Variants in ADGRB3 observed in about 807,000 individuals in gnomAD.
ADGRB3 encodes brain-specific angiogenesis inhibitor 3.
ADGRB3 carries 37 observed loss-of-function variants against 193.4 expected under a neutral mutation model. The observed-to-expected ratio is 0.19, with a 90% CI of 0.15 to 0.25. The LOEUF is 0.25. Ranked by LOEUF, ADGRB3 falls within the 10% of genes least tolerant of loss-of-function variation. The pLI, the probability that ADGRB3 is intolerant of heterozygous loss-of-function variation, is 1.00. For synonymous variants in ADGRB3, 690 were observed against 644.2 expected (o/e 1.07, Z -1.08); for missense variants, 1,637 against 1,852.9 (o/e 0.88, Z 2.14).
At chr6:68,920,166 A>G (rs1582315464) in intron 3 of ADGRB3, among the ~76,000 whole-genome samples, 1 of 152,310 alleles carries the variant, frequency 6.6e-6, no homozygotes, top group Middle Eastern at 3.4e-3. Flanking sequence ...AAACGAAATG[A>G]AAAACACGAA....
At chr6:69,116,750 T>G (rs1441638824) in intron 17 of ADGRB3, among the ~76,000 whole-genome samples, 1 of 152,228 alleles carries the variant, frequency 6.6e-6, no homozygotes, top group Admixed American at 6.5e-5. Flanking sequence ...AATAAAACTT[T>G]TATTAGCAAA....
chr6:68,643,995 TAAAC>T (rs905272391), intron 3 of ADGRB3, among the ~76,000 whole-genome samples: 2 of 145,682 alleles, frequency 1.4e-5, no homozygotes, highest in Non-Finnish European at 3.0e-5. Flanking sequence ...ATAAAAACAA[TAAAC>T]AAACAAACAA....
intron 3 of ADGRB3, among the ~76,000 whole-genome samples, chr6:68,809,196 A>T (rs1395367272): frequency 6.6e-6 from 1 of 152,220 alleles, no homozygotes; most frequent in Non-Finnish European, 1.5e-5. Context: ...CCTGCAGAGG[A>T]CGTACTCACT....
intron 17 of ADGRB3, among the ~76,000 whole-genome samples, chr6:69,102,723 C>T (rs543926270): frequency 6.6e-6 from 1 of 152,312 alleles, no homozygotes; most frequent in South Asian, 2.1e-4. Flanking sequence ...AAGAGTCTAC[C>T]TAGTGCCACA....
At chr6:69,131,398 AT>A (rs67632878) in intron 17 of ADGRB3, among the ~76,000 whole-genome samples, 32,959 of 151,246 alleles carry the variant, frequency 0.22, 3,843 homozygotes, top group Middle Eastern at 0.25. Context: ...AAGCACAAGG[AT>A]TTTTTTTTCT....
intron 3 of ADGRB3, among the ~76,000 whole-genome samples, chr6:68,899,556 C>G (rs1449331406): frequency 6.7e-6 from 1 of 150,026 alleles, no homozygotes. Flanking sequence ...GTTTTTTGTT[C>G]TTGTGATAGT....
rs191113228 is a variant in ADGRB3, at chr6:68,789,648, G to A, written c.758-140911G>A. Among the ~76,000 whole-genome samples, 29 of 152,132 alleles carry A rather than the reference G, an allele frequency of 1.9e-4. No individual in the cohort carries two copies. In the East Asian group the frequency reaches 5.2e-3, roughly 27 times the overall value. ...TATGTGTCTTTGAGTTGCTCTTCTC[G>A]ATGAGTATCTTTGTGGCATTCTCTG... On this transcript the variant is annotated intron_variant, in intron 3 of 31. Transcript: ENST00000370598.
chr6:69,327,910 A>G (rs765887284), intron 22 of ADGRB3, 21 bp downstream of exon 22: 1 of 1,577,854 alleles, frequency 6.3e-7, no homozygotes, highest in Admixed American at 1.7e-5. Flanking sequence ...CCACAGAGAT[A>G]AATCATGTTT....
intron 3 of ADGRB3, among the ~76,000 whole-genome samples, chr6:68,792,874 T>C (rs531887011): frequency 6.6e-6 from 1 of 152,304 alleles, no homozygotes; most frequent in East Asian, 1.9e-4. Flanking sequence ...GTGTAATATT[T>C]ACATGATCTA....
intron 5 of ADGRB3, among the ~76,000 whole-genome samples, chr6:68,938,471 T>TAC (rs1767543434): frequency 6.8e-6 from 1 of 146,980 alleles, no homozygotes; most frequent in Admixed American, 6.9e-5. Flanking sequence ...TATATATATA[T>TAC]GTTGTGAAAT....
intron 16 of ADGRB3, 76 bp from the exon 17 acceptor site, chr6:69,075,919 T>G (rs1226324346): frequency 1.5e-5 from 16 of 1,088,964 alleles, no homozygotes; most frequent in Non-Finnish European, 2.2e-5. Context: ...CCATTCTGTT[T>G]CTATTTCACA....
intron 17 of ADGRB3, among the ~76,000 whole-genome samples, chr6:69,134,013 A>G (rs1379793327): frequency 6.6e-6 from 1 of 152,060 alleles, no homozygotes; most frequent in African/African-American, 2.4e-5. Flanking sequence ...AAATGCCATT[A>G]TTTTGCTGCT....
intron 17 of ADGRB3, among the ~76,000 whole-genome samples, chr6:69,113,953 T>C (rs1262589258): frequency 6.6e-6 from 1 of 152,204 alleles, no homozygotes; most frequent in East Asian, 1.9e-4. Context: ...TTGCATTACC[T>C]AATTTCTTGT....
chr6:68,838,421 A>G (rs1768086626), intron 3 of ADGRB3, among the ~76,000 whole-genome samples: 1 of 152,194 alleles, frequency 6.6e-6, no homozygotes, highest in Non-Finnish European at 1.5e-5. Context: ...TTAAAAAGAA[A>G]CAAAGAAACA....
rs117358710 is a variant in ADGRB3 at position 68,702,866 on chromosome 6, G to A, written c.757+63434G>A. 1.4e-3 allele frequency among the ~76,000 whole-genome samples: 218 copies of A among 152,182 alleles called. 3 individuals are homozygous for A. In the East Asian group the frequency reaches 0.033, roughly 23 times the overall value. On this transcript the variant is annotated intron_variant, in intron 3 of 31. Transcript: ENST00000370598. The stretch of plus-strand genomic sequence containing the variant: ...ATTCGACTGAAATATAAAATATGTA[G>A]GATTTGCTTTTGTTTTCTGGATACA...
chr6:69,129,329 A>T (rs1773940282), intron 17 of ADGRB3, among the ~76,000 whole-genome samples: 1 of 152,174 alleles, frequency 6.6e-6, no homozygotes, highest in Non-Finnish European at 1.5e-5. Flanking sequence ...AAAATTGCAG[A>T]TGATGCACAT....
chr6:69,150,272 C>G (rs1464941085), intron 17 of ADGRB3, among the ~76,000 whole-genome samples: 1 of 152,090 alleles, frequency 6.6e-6, no homozygotes, highest in Non-Finnish European at 1.5e-5. Flanking sequence ...CCTTAGAAAT[C>G]TACCTGGCAC....
At chr6:68,721,325 A>G (rs2127324476) in intron 3 of ADGRB3, among the ~76,000 whole-genome samples, 1 of 151,994 alleles carries the variant, frequency 6.6e-6, no homozygotes, top group African/African-American at 2.4e-5. Flanking sequence ...CGTCCTTTGT[A>G]GGGACATGGA....
intron 17 of ADGRB3, among the ~76,000 whole-genome samples, chr6:69,134,202 A>G (rs1255909812): frequency 6.6e-6 from 1 of 152,032 alleles, no homozygotes; most frequent in African/African-American, 2.4e-5. Context: ...CACTCTCTCT[A>G]CAAACCATCC....
Sources: gnomAD v4.1 joint callset for allele counts (sites outside exome capture counted in the v4.1 genomes callset) on GRCh38, gnomAD v4.1.1 for gene constraint, MANE v1.5 for transcripts, NCBI Gene and HGNC (gene_info 2026-07-23, HGNC 2026-07-21) for gene names.